RSRC1: variants seen among roughly 807,000 people sequenced by gnomAD.
The protein encoded by RSRC1 is arginine and serine rich coiled-coil 1, also known as serine/Arginine-related protein 53.
A neutral mutation model predicts 49.1 loss-of-function variants in RSRC1; 39 were observed. The ratio of observed to expected loss-of-function variants is 0.79; its 90% confidence interval spans 0.61 to 1.04. RSRC1 has a LOEUF of 1.04. Among genes scored for constraint, RSRC1 ranks in the 50% least tolerant of loss-of-function variants. RSRC1 has a pLI of 0.00. For missense variants in RSRC1, 388 were observed against 402.4 expected (o/e 0.96, Z 0.31); for synonymous variants, 143 against 130.8 (o/e 1.09, Z -0.63).
At chr3:158,411,996 T>C (rs1734486246) in intron 6 of RSRC1, among the ~76,000 whole-genome samples, 1 of 152,168 alleles carries the variant, frequency 6.6e-6, no homozygotes, top group Non-Finnish European at 1.5e-5. Context: ...CTTTCTGCTT[T>C]CAGTTGTAAG....
At chr3:158,249,831 A>C (rs187155448) in intron 4 of RSRC1, among the ~76,000 whole-genome samples, 3 of 152,142 alleles carry the variant, frequency 2.0e-5, no homozygotes, top group Non-Finnish European at 4.4e-5. Flanking sequence ...AAACAATTCA[A>C]TTATACTTTT....
At chr3:158,285,802 T>G (rs1726508927) in intron 4 of RSRC1, among the ~76,000 whole-genome samples, 1 of 152,304 alleles carries the variant, frequency 6.6e-6, no homozygotes, top group Middle Eastern at 3.4e-3. Flanking sequence ...GCTGAGACAG[T>G]GGGGTTTTCT....
At chr3:158,339,268 C>T (rs1396673337) in intron 5 of RSRC1, among the ~76,000 whole-genome samples, 2 of 138,990 alleles carry the variant, frequency 1.4e-5, no homozygotes, top group Admixed American at 7.8e-5. Context: ...GTCCGCAGTC[C>T]GGCCTGGGCG....
chr3:158,204,587 C>T (rs748903219), intron 4 of RSRC1, among the ~76,000 whole-genome samples: 6 of 151,974 alleles, frequency 3.9e-5, no homozygotes, highest in East Asian at 1.9e-4. Flanking sequence ...CTCTTGGTAA[C>T]GGGAGAAAGT....
At chr3:158,509,953 TAGA>T (rs1740065265) in intron 7 of RSRC1, among the ~76,000 whole-genome samples, 2 of 152,100 alleles carry the variant, frequency 1.3e-5, no homozygotes, top group Non-Finnish European at 2.9e-5. Flanking sequence ...TGCCTAGGAG[TAGA>T]ATTGCTGAGG....
chr3:158,277,524 C>T (rs887311289), intron 4 of RSRC1, among the ~76,000 whole-genome samples: 1 of 152,114 alleles, frequency 6.6e-6, no homozygotes, highest in African/African-American at 2.4e-5. Flanking sequence ...TGGAAATTTT[C>T]TTTACACTTG....
chr3:158,517,313 T>G (rs1332783764), intron 7 of RSRC1, among the ~76,000 whole-genome samples: 1 of 152,162 alleles, frequency 6.6e-6, no homozygotes, highest in East Asian at 1.9e-4. Flanking sequence ...TATCTTTTTG[T>G]CTCTTTCCAC....
intron 6 of RSRC1, among the ~76,000 whole-genome samples, chr3:158,393,338 T>G (rs550076879): frequency 6.6e-6 from 1 of 151,536 alleles, no homozygotes; most frequent in African/African-American, 2.4e-5. Context: ...TAACTGAAAT[T>G]GAAACACACA....
chr3:158,348,726 C>T (rs757955509), intron 5 of RSRC1, among the ~76,000 whole-genome samples: 1 of 152,108 alleles, frequency 6.6e-6, no homozygotes, highest in African/African-American at 2.4e-5. Context: ...TCACCCCTCA[C>T]TCCCCTCCCA....
intron 4 of RSRC1, among the ~76,000 whole-genome samples, chr3:158,265,373 G>A (rs1173828748): frequency 6.6e-6 from 1 of 152,106 alleles, no homozygotes; most frequent in African/African-American, 2.4e-5. Flanking sequence ...GCTCATGCCT[G>A]TAATCCCAGC....
At chr3:158,226,430 AT>A (rs1286848266) in intron 4 of RSRC1, among the ~76,000 whole-genome samples, 2 of 151,920 alleles carry the variant, frequency 1.3e-5, no homozygotes, top group Admixed American at 1.3e-4. Context: ...ATAAATTGCC[AT>A]TTTTATCCCT....
intron 7 of RSRC1, among the ~76,000 whole-genome samples, chr3:158,492,014 T>C (rs1739104167): frequency 6.6e-6 from 1 of 152,154 alleles, no homozygotes; most frequent in Non-Finnish European, 1.5e-5. Context: ...AAAGGTTTAA[T>C]TGACTTACAG....
Position 158,539,108 on chromosome 3 carries a change from T to A in RSRC1, c.759+1910T>A, listed in dbSNP as rs1199118897. On this transcript the variant is annotated intron_variant, in intron 8 of 9. Coordinates refer to ENST00000611884, the MANE Select transcript of RSRC1 (RefSeq NM_001271838.2). This position sits in a 1 kb window ranked among gnomAD's most constrained non-coding sequence, Gnocchi z 4.1. ...GACTATCCCTAATGCATAGCAAGGATTTAACTCTCTTGAGGACTGAGTTAC... is the reference window on the plus strand; with the variant it reads ...GACTATCCCTAATGCATAGCAAGGAATTAACTCTCTTGAGGACTGAGTTAC... Among the ~76,000 whole-genome samples the A allele has an allele frequency of 2.6e-5, 1 of 37,908 alleles. No individual in the cohort carries two copies. The highest frequency in any genetic ancestry group is 5.4e-5 in the Non-Finnish European group (1 of 18,582). The allele number at this position is 37,908 out of a possible 152,430, so 24.9% of individuals were successfully genotyped here.
At chr3:158,461,692 T>G (rs1360326716) in intron 7 of RSRC1, among the ~76,000 whole-genome samples, 1 of 151,882 alleles carries the variant, frequency 6.6e-6, no homozygotes, top group Non-Finnish European at 1.5e-5. Flanking sequence ...TGAGTTAAGT[T>G]GATGATCTGC....
At chr3:158,362,065 A>G (rs957764211) in intron 6 of RSRC1, among the ~76,000 whole-genome samples, 9 of 152,226 alleles carry the variant, frequency 5.9e-5, no homozygotes, top group South Asian at 4.1e-4. Context: ...TTATCCAGAC[A>G]TGGTGGCTCA....
chr3:158,111,472 T>A (rs963979158), intron 1 of RSRC1, among the ~76,000 whole-genome samples: 2 of 152,222 alleles, frequency 1.3e-5, no homozygotes, highest in Non-Finnish European at 2.9e-5. Context: ...ATTTCCTGCT[T>A]TCATGTTCAA....
chr3:158,512,228 G>A (rs201361025), intron 7 of RSRC1, among the ~76,000 whole-genome samples: 5 of 139,126 alleles, frequency 3.6e-5, no homozygotes, highest in South Asian at 4.8e-4. Flanking sequence ...GGTTTTCTTC[G>A]AGGGTTTTTA....
intron 3 of RSRC1, among the ~76,000 whole-genome samples, chr3:158,171,999 A>G (rs1286217245): frequency 1.3e-5 from 2 of 152,066 alleles, no homozygotes; most frequent in African/African-American, 2.4e-5. Flanking sequence ...CATAAATGAA[A>G]TAATTCAATC....
chr3:158,285,965 G>A (rs918796911), intron 4 of RSRC1, among the ~76,000 whole-genome samples: 8 of 152,108 alleles, frequency 5.3e-5, no homozygotes, highest in Non-Finnish European at 8.8e-5. Flanking sequence ...TTGCTTGTTT[G>A]CTGGGTGAAA....
Sources: allele counts gnomAD v4.1 joint callset (sites outside exome capture counted in the v4.1 genomes callset), GRCh38; gene constraint gnomAD v4.1.1; non-coding constraint Gnocchi (gnomAD v3.1); transcripts MANE v1.5; gene names NCBI Gene and HGNC (gene_info 2026-07-23, HGNC 2026-07-21).